RPA3: variants seen among roughly 807,000 people sequenced by gnomAD.
The protein encoded by RPA3 is replication protein A 14 kDa subunit.
RPA3 carries 24 observed loss-of-function variants against 13.7 expected under a neutral mutation model. That is an observed-to-expected ratio of 1.75 (90% confidence interval 1.27 to 2.46). The LOEUF (loss-of-function observed/expected upper bound fraction) is 2.46. Among genes scored for constraint, RPA3 ranks in the 30% most tolerant of loss-of-function variants. The pLI is 0.00. For missense variants in RPA3, 183 were observed against 151.0 expected (o/e 1.21, Z -1.11); for synonymous variants, 59 against 51.2 (o/e 1.15, Z -0.65).
At chr7:7,681,134 C>T (rs1779901183) in intron 4 of RPA3, among the ~76,000 whole-genome samples, 1 of 152,138 alleles carries the variant, frequency 6.6e-6, no homozygotes, top group Admixed American at 6.6e-5. Context: ...TCAATATGGA[C>T]ACCACAGAAT....
chr7:7,665,519 T>A (rs749590447), intron 4 of RPA3, among the ~76,000 whole-genome samples: 36 of 152,246 alleles, frequency 2.4e-4, no homozygotes, highest in Non-Finnish European at 4.3e-4. Context: ...AATAAATTTT[T>A]AAAGAACTTT....
intron 2 of RPA3, among the ~76,000 whole-genome samples, chr7:7,693,294 T>TC (rs1780219868): frequency 2.2e-5 from 3 of 134,004 alleles, no homozygotes; most frequent in East Asian, 2.2e-4. Context: ...TTAAAATATC[T>TC]TTATCTATCT....
rs1340309481 is a variant in RPA3 at position 7,641,036 on chromosome 7, G to A, written c.-618C>T. On this transcript the variant is annotated 5_prime_UTR_variant, in exon 5 of 8. Transcript: ENST00000223129. ...GAATGATACGTGGTGTGGCGTCGGG[G>A]TTGTGATACCCGCCCCCTTGGAGAT... is the stretch of plus-strand genomic sequence containing the variant. 1.3e-5 allele frequency: 2 copies of A among 152,804 alleles called. No homozygotes were observed. The highest frequency in any genetic ancestry group is 2.9e-5 in the Non-Finnish European group (2 of 68,206). 9.5% of individuals were successfully genotyped at this position (152,804 alleles called of 1,614,324 possible).
chr7:7,692,810 T>C (rs1780205231), intron 2 of RPA3, among the ~76,000 whole-genome samples: 1 of 152,146 alleles, frequency 6.6e-6, no homozygotes, highest in Admixed American at 6.5e-5. Flanking sequence ...GGGTTCACCA[T>C]GTTGGTCAGG....
chr7:7,678,776 A>C (rs866991979), intron 4 of RPA3, among the ~76,000 whole-genome samples: 1 of 14,676 alleles, frequency 6.8e-5, no homozygotes, highest in African/African-American at 3.6e-4. Flanking sequence ...TTAGTTTATA[A>C]ATATATTTAT....
rs1345364590 is a variant in RPA3 at position 7,657,611 on chromosome 7, C to T, written c.-757-16436G>A. Among the ~76,000 whole-genome samples the T allele has an allele frequency of 3.3e-5, 5 of 152,120 alleles. No homozygotes were observed. In the East Asian group the frequency reaches 9.6e-4, roughly 29 times the overall value. On this transcript the variant is annotated intron_variant, in intron 4 of 7. Coordinates refer to ENST00000223129, the MANE Select transcript of RPA3 (RefSeq NM_002947.5). ...TGTTTTTTTCAGGTATGTCAAAGAT[C>T]AGATGGTTGTAGATGTGTGGTATTA...
At chr7:7,645,972 C>CGGCT (rs1785084396) in intron 4 of RPA3, among the ~76,000 whole-genome samples, 2 of 152,064 alleles carry the variant, frequency 1.3e-5, no homozygotes, top group African/African-American at 2.4e-5. Flanking sequence ...CTCGTTTGCT[C>CGGCT]GGCTGCCGTG....
chr7:7,668,128 G>T (rs994745448), intron 4 of RPA3, among the ~76,000 whole-genome samples: 3 of 151,816 alleles, frequency 2.0e-5, no homozygotes, highest in African/African-American at 7.3e-5. Flanking sequence ...TGCCCAGGCT[G>T]GTCTCAACTC....
intron 4 of RPA3, among the ~76,000 whole-genome samples, chr7:7,661,694 G>T (rs967779098): frequency 2.6e-5 from 4 of 152,154 alleles, no homozygotes; most frequent in African/African-American, 9.7e-5. Flanking sequence ...GTCCCAGAGG[G>T]GCACCCACCA....
chr7:7,671,360 C>G (rs1191527847), intron 4 of RPA3, among the ~76,000 whole-genome samples: 2 of 152,144 alleles, frequency 1.3e-5, no homozygotes, highest in African/African-American at 4.8e-5. Flanking sequence ...GACCCACACC[C>G]TTAGTCTCTT....
chr7:7,669,797 T>C (rs2115103055), intron 4 of RPA3, among the ~76,000 whole-genome samples: 1 of 152,336 alleles, frequency 6.6e-6, no homozygotes, highest in East Asian at 1.9e-4. Flanking sequence ...CTGTCTGAAA[T>C]TATCCAAAGC....
chr7:7,707,672 C>T (rs1284474529), intron 2 of RPA3, among the ~76,000 whole-genome samples: 1 of 152,090 alleles, frequency 6.6e-6, no homozygotes, highest in Non-Finnish European at 1.5e-5. Flanking sequence ...TTTCTGTGAT[C>T]CAAAATCTGG....
At chr7:7,676,345 G>A (rs897057620) in intron 4 of RPA3, 101 of 391,620 alleles carry the variant, frequency 2.6e-4, no homozygotes, top group African/African-American at 1.8e-3. Context: ...GAGTGAGGTA[G>A]TACTATTATA....
At chr7:7,652,903 A>G (rs1048576651) in intron 4 of RPA3, among the ~76,000 whole-genome samples, 1 of 152,216 alleles carries the variant, frequency 6.6e-6, no homozygotes, top group African/African-American at 2.4e-5. Context: ...GATGGCTTCT[A>G]TTTTGTGTAA....
intron 4 of RPA3, among the ~76,000 whole-genome samples, chr7:7,646,396 A>G (rs1785093471): frequency 6.6e-6 from 1 of 150,694 alleles, no homozygotes; most frequent in Non-Finnish European, 1.5e-5. Context: ...AATCATGGGG[A>G]CAGTTTCCCC....
At chr7:7,652,380 A>AT (rs1785243804) in intron 4 of RPA3, among the ~76,000 whole-genome samples, 1 of 152,118 alleles carries the variant, frequency 6.6e-6, no homozygotes, top group Non-Finnish European at 1.5e-5. Context: ...GTTATTACCA[A>AT]TTTTTTTAGT....
In RPA3 at chr7:7,640,424, T is replaced by C. The variant is rs28916295; in HGVS notation, c.-6A>G. ...AAGTCCATCATGTCCACCATGATTATGGTCCAAGACTGCGGCTGGCGGGAA... is the reference window on the plus strand; with the variant it reads ...AAGTCCATCATGTCCACCATGATTACGGTCCAAGACTGCGGCTGGCGGGAA... On this transcript the variant is annotated 5_prime_UTR_variant, in exon 5 of 8. Coordinates refer to ENST00000223129, the MANE Select transcript of RPA3 (RefSeq NM_002947.5). 6 of 1,613,652 alleles carry C rather than the reference T, an allele frequency of 3.7e-6. No individual in the cohort carries two copies. Among genetic ancestry groups the C allele is most frequent in the East Asian group, 2.2e-5 (1 of 44,886 alleles).
intron 4 of RPA3, among the ~76,000 whole-genome samples, chr7:7,677,555 T>G (rs1195001714): frequency 6.6e-6 from 1 of 152,182 alleles, no homozygotes; most frequent in Non-Finnish European, 1.5e-5. Context: ...TCTCCTCTAG[T>G]ACCATCTATG....
chr7:7,691,038 C>T (rs1347375213), intron 2 of RPA3, among the ~76,000 whole-genome samples: 1 of 152,172 alleles, frequency 6.6e-6, no homozygotes, highest in Non-Finnish European at 1.5e-5. Context: ...CAGCATGGTA[C>T]AAACCTGTAT....
Sources: gnomAD v4.1 joint callset for allele counts (sites outside exome capture counted in the v4.1 genomes callset) on GRCh38, gnomAD v4.1.1 for gene constraint, MANE v1.5 for transcripts, NCBI Gene and HGNC (gene_info 2026-07-23, HGNC 2026-07-21) for gene names.